SHISA8: variants seen among roughly 807,000 people sequenced by gnomAD.
The protein encoded by SHISA8 is protein shisa-8.
Under a neutral mutation model 21.1 loss-of-function variants are expected in SHISA8, and 21 were observed. That is an observed-to-expected ratio of 0.99 (90% CI 0.71 to 1.43). SHISA8 has a LOEUF of 1.43. Among genes scored for constraint, SHISA8 ranks in the 40% most tolerant of loss-of-function variants. The probability of loss-of-function intolerance (pLI) is 0.00; values close to 1 mark genes in which losing one functional copy is unlikely to be tolerated. For missense variants in SHISA8, 535 were observed against 599.1 expected, an observed-to-expected ratio of 0.89 and a Z score of 1.12; for synonymous variants, 300 against 291.4, an observed-to-expected ratio of 1.03 and a Z score of -0.30.
At chr22:41,911,693 C>G (rs1162103430) in intron 1 of SHISA8, among the ~76,000 whole-genome samples, 1 of 152,088 alleles carries the variant, frequency 6.6e-6, no homozygotes, top group Non-Finnish European at 1.5e-5. Flanking sequence ...TCCCAAAAAA[C>G]TGCTACTCAT....
chr22:41,914,193 C>T lies in SHISA8; in HGVS notation c.475G>A (p.Ala159Thr). Residue 159 changes from alanine to threonine, a missense_variant, in exon 1 of 4, where the codon GCG becomes ACG. Coordinates refer to ENST00000621082, the MANE Select transcript of SHISA8 (RefSeq NM_001207020.3). The surrounding 1 kb of genome is among the most constrained non-coding windows in gnomAD (Gnocchi z 6.8). ...AALLVLAGIG[A>T]RLGLERAHSP... ...TGCGCCCTCTCCAGTCCCAGGCGCG[C>T]CCCGATGCCGGCCAGCACCAGCAGC... 1 of 1,467,340 alleles carries T rather than the reference C, an allele frequency of 6.8e-7. No homozygotes were observed. The highest frequency in any genetic ancestry group is 2.5e-5 in the Admixed American group (1 of 40,502). The allele number at this position is 1,467,340 out of a possible 1,614,324, so 90.9% of individuals were successfully genotyped here.
At position 41,910,288 on chromosome 22, in the gene SHISA8, T is replaced by A; in HGVS notation, c.811+120A>T. 8.1e-7 allele frequency: 1 copy of A among 1,230,608 alleles called. No homozygotes were observed. Among genetic ancestry groups the A allele is most frequent in the Non-Finnish European group, 1.0e-6 (1 of 985,324 alleles). The allele number at this position is 1,230,608 out of a possible 1,614,324, so 76.2% of individuals were successfully genotyped here. ...GGGCCCGCTGGGGCGAGGGAGCCGA[T>A]TGGCCGAGCGGCGGGCGCGCGGAAC... On this transcript the variant is annotated intron_variant, in intron 3 of 3. Coordinates refer to ENST00000621082, the MANE Select transcript of SHISA8 (RefSeq NM_001207020.3). This position sits in a 1 kb window ranked among gnomAD's most constrained non-coding sequence, Gnocchi z 6.8.
rs1602367166 is a variant in SHISA8 at position 41,914,911 on chromosome 22, G to T, written c.-244C>A. 6.6e-6 allele frequency among the ~76,000 whole-genome samples: 1 copy of T among 151,366 alleles called. No homozygotes were observed. Among genetic ancestry groups the T allele is most frequent in the African/African-American group, 2.4e-5 (1 of 41,318 alleles). ...CCGAGCTGCCCGGTCCGCGTCCTGA[G>T]ATCTTCCCCGGGCCGGGCGGCGGGT... On this transcript the variant is annotated 5_prime_UTR_variant, in exon 1 of 4. Transcript: ENST00000621082. The surrounding 1 kb of genome is among the most constrained non-coding windows in gnomAD (Gnocchi z 6.8).
intron 1 of SHISA8, among the ~76,000 whole-genome samples, chr22:41,911,839 C>G (rs1327470343): frequency 6.6e-6 from 1 of 152,172 alleles, no homozygotes; most frequent in Non-Finnish European, 1.5e-5. Flanking sequence ...TCCACCTCCC[C>G]GGTTCAAGTG....
chr22:41,914,422 G>T lies in SHISA8; in HGVS notation c.246C>A (p.Ser82Arg). The T allele has an allele frequency of 7.4e-7, 1 of 1,354,526 alleles. No individual in the cohort carries two copies. Among genetic ancestry groups the T allele is most frequent in the South Asian group, 1.8e-5 (1 of 55,580 alleles). 83.9% of individuals were successfully genotyped at this position (1,354,526 alleles called of 1,614,324 possible). Residue 82 changes from serine to arginine, a missense_variant, in exon 1 of 4, where the codon AGC (serine) becomes AGA (arginine). Ser to Arg is a moderately radical substitution (Grantham distance 110, BLOSUM62 -1). Coordinates refer to ENST00000621082, the MANE Select transcript of SHISA8 (RefSeq NM_001207020.3). This position sits in a 1 kb window ranked among gnomAD's most constrained non-coding sequence, Gnocchi z 6.8. The stretch of plus-strand genomic sequence containing the variant: ...GGTAGCCGCACGTGCCGCAGCAGAA[G>T]CTGTAGGCTCCGGAGCTGCAGTTGA... ...PPFNCSSGAY[S>R]FCCGTCGYRF...
Position 41,911,343 on chromosome 22 carries a change from C to T in SHISA8, c.537G>A (p.Leu179=). 1 of 1,241,908 alleles carries T rather than the reference C, an allele frequency of 8.1e-7. No individual in the cohort carries two copies. The highest frequency in any genetic ancestry group is 3.7e-5 in the South Asian group (1 of 27,292). 76.9% of individuals were successfully genotyped at this position (1,241,908 alleles called of 1,614,324 possible). A position where few individuals can be genotyped will look rare whatever the true frequency, so the allele number is the denominator to read the frequency against. Residue 179 remains leucine, a synonymous_variant, in exon 2 of 4, where the codon CTG becomes CTA. Transcript: ENST00000621082. The stretch of plus-strand genomic sequence containing the variant: ...GGCCCGGCTGCTTCAGAAGCTCTGT[C>T]AGCGCCCTGCGGGGACAGCAGTCAG... The part of the protein sequence containing the change: ...PRARRTVTRA[L]TELLKQPGPQ...
At position 41,910,127 on chromosome 22, in the gene SHISA8, A is replaced by C. The variant is rs1477743624; in HGVS notation, c.832T>G (p.Cys278Gly). The C allele has an allele frequency of 7.3e-6, 9 of 1,237,912 alleles. No homozygotes were observed. The East Asian group carries it at 2.6e-4, about 35-fold the overall frequency. 76.7% of individuals were successfully genotyped at this position (1,237,912 alleles called of 1,614,324 possible). A position where few individuals can be genotyped will look rare whatever the true frequency, so the allele number is the denominator to read the frequency against. The change falls in exon 4 of 4, where the codon TGT (cysteine) becomes GGT (glycine). Residue 278 changes from cysteine (C) to glycine (G), a missense_variant. Cys to Gly is a radical substitution (Grantham distance 159). Coordinates refer to ENST00000621082, the MANE Select transcript of SHISA8 (RefSeq NM_001207020.3). The surrounding 1 kb of genome is among the most constrained non-coding windows in gnomAD (Gnocchi z 6.8). Reference sequence around the variant, plus strand: ...GGCTCGAGGGCGGGGAAACGCTGACAGAAGTCCCGCGGGGCGGCCTCTGCG... The same window carrying C: ...GGCTCGAGGGCGGGGAAACGCTGACCGAAGTCCCGCGGGGCGGCCTCTGCG... Reference protein sequence around the residue: ...KAAEAAPRDFCQRFPALEPSP... With the variant: ...KAAEAAPRDFGQRFPALEPSP...
Position 41,909,624 on chromosome 22 carries a change from G to C in SHISA8, c.*141C>G. The C allele has an allele frequency of 8.6e-7, 1 of 1,156,466 alleles. No individual in the cohort carries two copies. Among genetic ancestry groups the C allele is most frequent in the African/African-American group, 1.6e-5 (1 of 62,084 alleles). 71.6% of individuals were successfully genotyped at this position (1,156,466 alleles called of 1,614,324 possible). On this transcript the variant is annotated 3_prime_UTR_variant, in exon 4 of 4. Coordinates refer to ENST00000621082, the MANE Select transcript of SHISA8 (RefSeq NM_001207020.3). ...GGCTTATTTACAAGACGAACCCGCG[G>C]CCTGCAGGCTCCAAGACACCACTGC...
Position 41,911,395 on chromosome 22 carries a change from C to A in SHISA8, c.531-46G>T, listed in dbSNP as rs960009757. 13 of 1,235,042 alleles carry A rather than the reference C, an allele frequency of 1.1e-5. No individual in the cohort carries two copies. In the East Asian group the frequency reaches 3.5e-4, roughly 33 times the overall value. The allele number at this position is 1,235,042 out of a possible 1,614,324, so 76.5% of individuals were successfully genotyped here. ...GGTGGCCCTCTGTCTCCCACCTCAT[C>A]AAAAGCCAGCCCCGGCCACCACCGT... On this transcript the variant is annotated intron_variant, in intron 1 of 3. Coordinates refer to ENST00000621082, the MANE Select transcript of SHISA8 (RefSeq NM_001207020.3).
Position 41,909,627 on chromosome 22 carries a change from T to A in SHISA8, c.*138A>T. ...TTATTTACAAGACGAACCCGCGGCC[T>A]GCAGGCTCCAAGACACCACTGCCGT... On this transcript the variant is annotated 3_prime_UTR_variant, in exon 4 of 4. Coordinates refer to ENST00000621082, the MANE Select transcript of SHISA8 (RefSeq NM_001207020.3). 1 of 1,181,590 alleles carries A rather than the reference T, an allele frequency of 8.5e-7. No individual in the cohort carries two copies. Among genetic ancestry groups the A allele is most frequent in the Non-Finnish European group, 1.1e-6 (1 of 920,146 alleles). The allele number at this position is 1,181,590 out of a possible 1,614,324, so 73.2% of individuals were successfully genotyped here.
rs1167083676 is a variant in SHISA8 at position 41,910,974 on chromosome 22, C to A, written c.664+242G>T. On this transcript the variant is annotated intron_variant, in intron 2 of 3. Coordinates refer to ENST00000621082, the MANE Select transcript of SHISA8 (RefSeq NM_001207020.3). This position sits in a 1 kb window ranked among gnomAD's most constrained non-coding sequence, Gnocchi z 6.8. ...AGCCTCAGATCACAGCCCCGGCCAG[C>A]AAATCCTGCATCTGGAACCTTCCTC... 6.6e-6 allele frequency among the ~76,000 whole-genome samples: 1 copy of A among 152,170 alleles called. No individual in the cohort carries two copies. The highest frequency in any genetic ancestry group is 1.5e-5 in the Non-Finnish European group (1 of 68,014).
rs1486668999 is a variant in SHISA8, at chr22:41,911,834, C to T, written c.531-485G>A. 2.0e-5 allele frequency among the ~76,000 whole-genome samples: 3 copies of T among 152,200 alleles called. No homozygotes were observed. In the South Asian group the frequency reaches 6.2e-4, roughly 31 times the overall value. On this transcript the variant is annotated intron_variant, in intron 1 of 3. Coordinates refer to ENST00000621082, the MANE Select transcript of SHISA8 (RefSeq NM_001207020.3). ...AATCTTGGCTCACTGCAACCTCCACCTCCCCGGTTCAAGTGATTCTCCAGC... is the reference window on the plus strand; with the variant it reads ...AATCTTGGCTCACTGCAACCTCCACTTCCCCGGTTCAAGTGATTCTCCAGC...
intron 1 of SHISA8, among the ~76,000 whole-genome samples, chr22:41,912,794 C>G (rs1435055702): frequency 6.6e-6 from 1 of 152,222 alleles, no homozygotes; most frequent in African/African-American, 2.4e-5. Flanking sequence ...CCACACAGCA[C>G]AGCAAGGGTG....
intron 2 of SHISA8, among the ~76,000 whole-genome samples, 172 bp downstream of exon 2, chr22:41,911,044 G>A (rs1041248054): frequency 1.3e-5 from 2 of 152,094 alleles, no homozygotes; most frequent in African/African-American, 4.8e-5. Flanking sequence ...ACCCGTGGGG[G>A]GTCCCTTTCC....
At position 41,909,884 on chromosome 22, in the gene SHISA8, G is replaced by A; in HGVS notation, c.1075C>T (p.Arg359Cys). The A allele has an allele frequency of 6.5e-7, 1 of 1,528,726 alleles. No individual in the cohort carries two copies. The highest frequency in any genetic ancestry group is 8.7e-7 in the Non-Finnish European group (1 of 1,143,784). 94.7% of individuals were successfully genotyped at this position (1,528,726 alleles called of 1,614,324 possible). A position where few individuals can be genotyped will look rare whatever the true frequency, so the allele number is the denominator to read the frequency against. Reference sequence around the variant, plus strand: ...TCAGGCATCTTCACACTGAACTGGCGCCGGGCCGCGTGCCCGGGTCGCCGG... The same window carrying A: ...TCAGGCATCTTCACACTGAACTGGCACCGGGCCGCGTGCCCGGGTCGCCGG... ...VPRRPGHAAR[R>C]QFSVKMPETF... The change falls in exon 4 of 4, where the codon CGC becomes TGC. Residue 359 changes from arginine (R) to cysteine (C), a missense_variant. Arg to Cys is a radical substitution (Grantham distance 180, BLOSUM62 -3). Transcript: ENST00000621082.
In SHISA8 at chr22:41,911,461, G is replaced by A. The variant is rs375225226; in HGVS notation, c.531-112C>T. 1.1e-5 allele frequency: 13 copies of A among 1,153,768 alleles called. No individual in the cohort carries two copies. The African/African-American group carries it at 1.7e-4, about 15-fold the overall frequency. The allele number at this position is 1,153,768 out of a possible 1,614,324, so 71.5% of individuals were successfully genotyped here. ...TGGGCAGTTCTTTCGGCCTCTCCAGGCCGTCCTCTCCGGTGCTCGAAATCA... is the reference window on the plus strand; with the variant it reads ...TGGGCAGTTCTTTCGGCCTCTCCAGACCGTCCTCTCCGGTGCTCGAAATCA... On this transcript the variant is annotated intron_variant, in intron 1 of 3. Transcript: ENST00000621082.
Position 41,910,589 on chromosome 22 carries a change from G to A in SHISA8, c.665-35C>T. ...GGAGTGAGACGCGGCTCGGTCCGAT[G>A]CCCCGGTTCACTCCGCCCTCGCTGT... On this transcript the variant is annotated intron_variant, in intron 2 of 3. Coordinates refer to ENST00000621082, the MANE Select transcript of SHISA8 (RefSeq NM_001207020.3). The surrounding 1 kb of genome is among the most constrained non-coding windows in gnomAD (Gnocchi z 6.8). 5 of 1,218,224 alleles carry A rather than the reference G, an allele frequency of 4.1e-6. No individual in the cohort carries two copies. The highest frequency in any genetic ancestry group is 4.1e-6 in the Non-Finnish European group (4 of 978,610). The allele number at this position is 1,218,224 out of a possible 1,614,324, so 75.5% of individuals were successfully genotyped here.
Position 41,914,307 on chromosome 22 carries a change from G to C in SHISA8, c.361C>G (p.Pro121Ala), listed in dbSNP as rs2077571033. The change falls in exon 1 of 4, where the codon CCC (proline) becomes GCC (alanine). Residue 121 changes from proline to alanine, a missense_variant. Physicochemically the swap from Pro to Ala is conservative, Grantham distance 27. Coordinates refer to ENST00000621082, the MANE Select transcript of SHISA8 (RefSeq NM_001207020.3). This position sits in a 1 kb window ranked among gnomAD's most constrained non-coding sequence, Gnocchi z 6.8. ...TPAWVQTGRP[P>A]ARARDTAAPR... ...GCTGCGGTGTCGCGGGCGCGGGCGGGCGGCCGGCCTGTCTGGACCCAGGCC... is the reference window on the plus strand; with the variant it reads ...GCTGCGGTGTCGCGGGCGCGGGCGGCCGGCCGGCCTGTCTGGACCCAGGCC... 8.0e-7 allele frequency: 1 copy of C among 1,251,288 alleles called. No homozygotes were observed. The highest frequency in any genetic ancestry group is 1.0e-6 in the Non-Finnish European group (1 of 1,001,182). The allele number at this position is 1,251,288 out of a possible 1,614,324, so 77.5% of individuals were successfully genotyped here. A position where few individuals can be genotyped will look rare whatever the true frequency, so the allele number is the denominator to read the frequency against.
chr22:41,914,964 T>C lies in SHISA8; in HGVS notation c.-297A>G, dbSNP rs2077578524. Among the ~76,000 whole-genome samples the C allele has an allele frequency of 6.6e-6, 1 of 151,008 alleles. No homozygotes were observed. Among genetic ancestry groups the C allele is most frequent in the Non-Finnish European group, 1.5e-5 (1 of 67,666 alleles). Reference sequence around the variant, plus strand: ...TCGCCTGCGCGCGGCCCCCGGCTTCTCCCCGGCCCGGCAGGTGTGCGGGTC... The same window carrying C: ...TCGCCTGCGCGCGGCCCCCGGCTTCCCCCCGGCCCGGCAGGTGTGCGGGTC... On this transcript the variant is annotated 5_prime_UTR_variant, in exon 1 of 4. Transcript: ENST00000621082. The surrounding 1 kb of genome is among the most constrained non-coding windows in gnomAD (Gnocchi z 6.8).
Sources: allele counts gnomAD v4.1 joint callset (sites outside exome capture counted in the v4.1 genomes callset), GRCh38; gene constraint gnomAD v4.1.1; non-coding constraint Gnocchi (gnomAD v3.1); transcripts MANE v1.5; gene names NCBI Gene and HGNC (gene_info 2026-07-23, HGNC 2026-07-21).